The following SCG3 variants were observed in gnomAD, a reference collection of about 807,000 sequenced individuals.
The protein encoded by SCG3 is secretogranin-3.
SCG3 carries 38 observed loss-of-function variants against 56.2 expected under a neutral mutation model. That is an observed-to-expected ratio of 0.68 (90% CI 0.52 to 0.89). SCG3 has a LOEUF of 0.89. Ranked by LOEUF, SCG3 falls within the 40% of genes least tolerant of loss-of-function variation. The pLI, the probability that SCG3 is intolerant of heterozygous loss-of-function variation, is 0.00. For missense variants in SCG3, 524 were observed against 540.7 expected, an observed-to-expected ratio of 0.97 and a Z score of 0.31; for synonymous variants, 176 against 184.2, an observed-to-expected ratio of 0.96 and a Z score of 0.36.
At chr15:51,701,308 G>C (rs570713778) in intron 10 of SCG3, 64 bp downstream of exon 10, 1 of 1,489,762 alleles carries the variant, frequency 6.7e-7, no homozygotes, top group Admixed American at 2.3e-5. Flanking sequence ...CACCACACAA[G>C]GGAGGGTGAT....
chr15:51,687,983 G>A (rs912673839), intron 4 of SCG3, among the ~76,000 whole-genome samples: 3 of 152,108 alleles, frequency 2.0e-5, no homozygotes, highest in Non-Finnish European at 4.4e-5. Context: ...TATTATTGGT[G>A]ATAACAATAA....
At chr15:51,690,013 G>T (rs1313348262) in intron 6 of SCG3, among the ~76,000 whole-genome samples, 2 of 152,068 alleles carry the variant, frequency 1.3e-5, no homozygotes, top group Non-Finnish European at 2.9e-5. Flanking sequence ...TGAACTGCAA[G>T]CAAACATCTC....
intron 4 of SCG3, among the ~76,000 whole-genome samples, chr15:51,687,511 A>C (rs1208472725): frequency 6.6e-6 from 1 of 152,160 alleles, no homozygotes; most frequent in Admixed American, 6.5e-5. Flanking sequence ...GTATTGCCAA[A>C]TGTATTCCTA....
intron 11 of SCG3, among the ~76,000 whole-genome samples, chr15:51,715,978 C>T (rs1159461486): frequency 6.6e-6 from 1 of 152,140 alleles, no homozygotes; most frequent in African/African-American, 2.4e-5. Context: ...CTGCTTCGGC[C>T]TCCCAAGTAG....
At chr15:51,688,759 A>G (rs994289337) in intron 5 of SCG3, among the ~76,000 whole-genome samples, 1 of 152,220 alleles carries the variant, frequency 6.6e-6, no homozygotes, top group Admixed American at 6.5e-5. Flanking sequence ...CATGTATGTG[A>G]CAAAAAAAGA....
At chr15:51,686,775 T>C (rs570985956) in intron 4 of SCG3, among the ~76,000 whole-genome samples, 35 of 148,976 alleles carry the variant, frequency 2.3e-4, no homozygotes, top group Non-Finnish European at 2.6e-4. Context: ...CTCAAAGGGC[T>C]CATGGCTCAT....
chr15:51,713,322 A>G lies in SCG3; in HGVS notation c.1208-11A>G. 2.6e-6 allele frequency: 4 copies of G among 1,567,584 alleles called. No individual in the cohort carries two copies. The highest frequency in any genetic ancestry group is 3.5e-6 in the Non-Finnish European group (4 of 1,146,530). ...CCTGAGTGTTTGATATAGTTCTCTT[A>G]CCTCTTCCAGGAAAAACAGAAGCCT... On this transcript the variant is annotated splice_polypyrimidine_tract_variant and intron_variant, in intron 10 of 11. Coordinates refer to ENST00000220478, the MANE Select transcript of SCG3 (RefSeq NM_013243.4).
chr15:51,719,318 G>A, intron 11 of SCG3, 90 bp from the exon 12 acceptor site: 1 of 833,906 alleles, frequency 1.2e-6, no homozygotes, highest in Non-Finnish European at 2.0e-6. Flanking sequence ...TTGTGTTATT[G>A]TATAAAATGC....
chr15:51,717,761 C>T (rs554038384), intron 11 of SCG3, among the ~76,000 whole-genome samples: 6 of 152,292 alleles, frequency 3.9e-5, no homozygotes, highest in East Asian at 3.9e-4. Flanking sequence ...TCAGCCTCCA[C>T]GTGTTCACCT....
intron 10 of SCG3, among the ~76,000 whole-genome samples, chr15:51,711,636 T>C (rs892349669): frequency 6.6e-6 from 1 of 152,236 alleles, no homozygotes; most frequent in African/African-American, 2.4e-5. Flanking sequence ...ACTGTATTTT[T>C]AAAATTATTA....
intron 10 of SCG3, among the ~76,000 whole-genome samples, chr15:51,701,860 A>G (rs1482223661): frequency 6.6e-6 from 1 of 152,096 alleles, no homozygotes; most frequent in Admixed American, 6.6e-5. Context: ...ACTATACTCC[A>G]GCCTAGGTGA....
At chr15:51,719,158 A>C (rs1001690) in intron 11 of SCG3, among the ~76,000 whole-genome samples, 65,112 of 152,096 alleles carry the variant, frequency 0.43, 14,200 homozygotes, top group Admixed American at 0.54. Context: ...GTTTGGTCAA[A>C]TGGGGATGGT....
intron 8 of SCG3, among the ~76,000 whole-genome samples, chr15:51,696,302 C>T: frequency 6.6e-6 from 1 of 152,266 alleles, no homozygotes; most frequent in Non-Finnish European, 1.5e-5. Context: ...GTAATCCCAG[C>T]ACTTTGGGAA....
intron 11 of SCG3, among the ~76,000 whole-genome samples, chr15:51,717,310 G>A (rs1311268227): frequency 6.6e-6 from 1 of 151,738 alleles, no homozygotes; most frequent in Non-Finnish European, 1.5e-5. Flanking sequence ...GGAGCTTGCA[G>A]TGAGCTGAGA....
intron 9 of SCG3, among the ~76,000 whole-genome samples, chr15:51,699,653 T>G (rs1485487129): frequency 1.3e-5 from 2 of 152,150 alleles, no homozygotes; most frequent in African/African-American, 4.8e-5. Flanking sequence ...TGGCTAGGAA[T>G]CTTAGGTGGA....
intron 11 of SCG3, among the ~76,000 whole-genome samples, chr15:51,715,742 C>T (rs1212745827): frequency 1.3e-5 from 2 of 152,132 alleles, no homozygotes; most frequent in East Asian, 3.9e-4. Context: ...TCCCACTGCA[C>T]ACAGTAATAG....
At chr15:51,704,564 T>C (rs900483315) in intron 10 of SCG3, among the ~76,000 whole-genome samples, 2 of 150,584 alleles carry the variant, frequency 1.3e-5, no homozygotes, top group East Asian at 3.9e-4. Context: ...TGGAATCATA[T>C]AGCATTTTTC....
intron 4 of SCG3, among the ~76,000 whole-genome samples, chr15:51,684,403 C>T (rs2055215160): frequency 6.6e-6 from 1 of 152,108 alleles, no homozygotes. Context: ...ATGGTGAAAC[C>T]CCATCTCTAC....
chr15:51,695,030 C>CA (rs555948728), intron 7 of SCG3, among the ~76,000 whole-genome samples: 914 of 80,228 alleles, frequency 0.011, 19 homozygotes, highest in East Asian at 0.11. Flanking sequence ...GACTCTATCT[C>CA]AAAAAAAAAA....
Sources: allele counts gnomAD v4.1 joint callset (sites outside exome capture counted in the v4.1 genomes callset), GRCh38; gene constraint gnomAD v4.1.1; transcripts MANE v1.5; gene names NCBI Gene and HGNC (gene_info 2026-07-23, HGNC 2026-07-21).